The following EXPH5 variants were observed in gnomAD, a reference collection of about 807,000 sequenced individuals.
The protein encoded by EXPH5 is exophilin-5.
A neutral mutation model predicts 41.1 loss-of-function variants in EXPH5; 42 were observed. The observed-to-expected ratio is 1.02, with a 90% confidence interval of 0.80 to 1.32. EXPH5 has a LOEUF of 1.32. EXPH5 is among the 40% of genes most tolerant of loss of function. The pLI is 0.00. For synonymous variants in EXPH5, 798 were observed against 833.5 expected (o/e 0.96, Z 0.73); for missense variants, 2,298 against 2,314.5 (o/e 0.99, Z 0.15).
chr11:108,579,966 G>A (rs1408624495), intron 1 of EXPH5, among the ~76,000 whole-genome samples: 1 of 152,044 alleles, frequency 6.6e-6, no homozygotes, highest in East Asian at 1.9e-4. Context: ...AAATATAGAG[G>A]AAATACTTCA....
intron 5 of EXPH5, among the ~76,000 whole-genome samples, chr11:108,516,270 C>A (rs997549663): frequency 6.6e-6 from 1 of 152,024 alleles, no homozygotes; most frequent in African/African-American, 2.4e-5. Flanking sequence ...GGCCCCCTTA[C>A]GATAACTGAA....
chr11:108,509,484 AG>A lies in EXPH5; in HGVS notation c.*52del. ...CCATGCACATGCACATGTACACCTT[AG>A]TTCCATTATAAGCTTTTGGTGAAAA... is the stretch of plus-strand genomic sequence containing the variant. On this transcript the variant is annotated 3_prime_UTR_variant, in exon 6 of 6. Coordinates refer to ENST00000265843, the MANE Select transcript of EXPH5 (RefSeq NM_015065.3). 11 of 1,479,062 alleles carry A rather than the reference AG, an allele frequency of 7.4e-6. No homozygotes were observed. Among genetic ancestry groups the A allele is most frequent in the Non-Finnish European group, 1.0e-5 (11 of 1,101,904 alleles). The allele number at this position is 1,479,062 out of a possible 1,614,324, so 91.6% of individuals were successfully genotyped here.
In EXPH5 at chr11:108,511,076, A is replaced by C. The variant is rs1189076504; in HGVS notation, c.4431T>G (p.Ser1477Arg). 1 of 1,614,110 alleles carries C rather than the reference A, an allele frequency of 6.2e-7. No homozygotes were observed. ...HTSTAVGDGS[S>R]GSQPREGRGD... is the part of the protein sequence containing the mutation. ...CTCTGCCTTCCCTAGGCTGTGATCCACTGGAGCCATCACCTACAGCTGTGG... is the reference window on the plus strand; with the variant it reads ...CTCTGCCTTCCCTAGGCTGTGATCCCCTGGAGCCATCACCTACAGCTGTGG... Residue 1477 changes from serine (S) to arginine (R), a missense_variant, in exon 6 of 6, where the codon AGT becomes AGG. Coordinates refer to ENST00000265843, the MANE Select transcript of EXPH5 (RefSeq NM_015065.3).
chr11:108,605,053 T>C, the EXPH5 span, among the ~76,000 whole-genome samples: 1 of 152,072 alleles, frequency 6.6e-6, no homozygotes. Flanking sequence ...AAGAACAAGA[T>C]CACTGGGATT....
intron 5 of EXPH5, among the ~76,000 whole-genome samples, 167 bp from the exon 6 acceptor site, chr11:108,515,042 C>A (rs1285006198): frequency 1.3e-5 from 2 of 152,108 alleles, no homozygotes; most frequent in Admixed American, 6.5e-5. Flanking sequence ...GATAGCCTGA[C>A]TTTTATAAGA....
At chr11:108,545,346 G>A (rs1229353402) in intron 1 of EXPH5, among the ~76,000 whole-genome samples, 4 of 152,142 alleles carry the variant, frequency 2.6e-5, no homozygotes, top group African/African-American at 9.7e-5. Flanking sequence ...ATATACGTTT[G>A]TGGAAGGCCG....
chr11:108,603,815 C>T, the EXPH5 span, among the ~76,000 whole-genome samples: 1 of 152,210 alleles, frequency 6.6e-6, no homozygotes, highest in African/African-American at 2.4e-5. Flanking sequence ...GGGCAGAGAG[C>T]AGTTCCTAAT....
intron 1 of EXPH5, among the ~76,000 whole-genome samples, chr11:108,570,557 T>C (rs2094055701): frequency 6.6e-6 from 1 of 152,148 alleles, no homozygotes; most frequent in Admixed American, 6.5e-5. Flanking sequence ...GCCTAGCTTA[T>C]TTTTAAGAGA....
rs952158572 is a variant in EXPH5 at position 108,536,354 on chromosome 11, C to A, written c.443+2670G>T. Among the ~76,000 whole-genome samples the A allele has an allele frequency of 2.0e-5, 3 of 151,950 alleles. No individual in the cohort carries two copies. In the South Asian group the frequency reaches 6.2e-4, roughly 32 times the overall value. On this transcript the variant is annotated intron_variant, in intron 3 of 5. Transcript: ENST00000265843. ...TGCAGCGGCTCACCGTACCCTCCAC[C>A]TCCCAGGCTCAAGTGATCCTCCTAC... is the stretch of plus-strand genomic sequence containing the variant.
intron 1 of EXPH5, among the ~76,000 whole-genome samples, chr11:108,581,030 G>A (rs1250764742): frequency 2.6e-5 from 4 of 152,164 alleles, no homozygotes; most frequent in Non-Finnish European, 5.9e-5. Context: ...AATATGGCTG[G>A]GCATGGTGGC....
At chr11:108,533,995 A>G (rs1317863210) in intron 3 of EXPH5, among the ~76,000 whole-genome samples, 2 of 152,028 alleles carry the variant, frequency 1.3e-5, no homozygotes, top group African/African-American at 4.8e-5. Context: ...CAGCCTGACT[A>G]TGTTGACCAG....
At chr11:108,520,762 T>C (rs1053427474) in intron 4 of EXPH5, among the ~76,000 whole-genome samples, 24 of 152,064 alleles carry the variant, frequency 1.6e-4, no homozygotes, top group Admixed American at 1.2e-3. Flanking sequence ...AGAGATGGGG[T>C]TCCACCCTAT....
At chr11:108,515,560 A>G (rs1398750865) in intron 5 of EXPH5, among the ~76,000 whole-genome samples, 1 of 152,174 alleles carries the variant, frequency 6.6e-6, no homozygotes, top group Non-Finnish European at 1.5e-5. Context: ...TCTATGTGTC[A>G]GGCAGAGTCC....
chr11:108,594,944 A>G (rs1236435117), upstream of EXPH5, among the ~76,000 whole-genome samples: 1 of 152,212 alleles, frequency 6.6e-6, no homozygotes, highest in East Asian at 1.9e-4. Context: ...TGAACCAGGA[A>G]CCAATTTTGT....
chr11:108,513,290 T>G lies in EXPH5; in HGVS notation c.2217A>C (p.Leu739Phe). The change falls in exon 6 of 6, where the codon TTA (leucine) becomes TTC (phenylalanine). Residue 739 changes from leucine (L) to phenylalanine (F), a missense_variant. Transcript: ENST00000265843. ...PVSQTGISNS[L>F]PDFQNPLSQD... ...GGGATAAGGGATTTTGAAAATCAGGTAAAGAGTTTGAGATCCCTGTCTGTG... is the reference window on the plus strand; with the variant it reads ...GGGATAAGGGATTTTGAAAATCAGGGAAAGAGTTTGAGATCCCTGTCTGTG... The G allele has an allele frequency of 1.2e-6, 2 of 1,612,590 alleles. No homozygotes were observed. Among genetic ancestry groups the G allele is most frequent in the South Asian group, 2.2e-5 (2 of 90,676 alleles).
Position 108,513,634 on chromosome 11 carries a change from A to G in EXPH5, c.1873T>C (p.Ser625Pro), listed in dbSNP as rs748065242. The change falls in exon 6 of 6, where the codon TCC (serine) becomes CCC (proline). Residue 625 changes from serine to proline, a missense_variant. Physicochemically the swap from Ser to Pro is moderately conservative, Grantham distance 74. Coordinates refer to ENST00000265843, the MANE Select transcript of EXPH5 (RefSeq NM_015065.3). ...SSFGIAQTLA[S>P]SFKTSFSQIS... Reference sequence around the variant, plus strand: ...TGGGAAAAGGAAGTTTTGAATGAGGATGCTAGAGTCTGAGCAATTCCAAAT... The same window carrying G: ...TGGGAAAAGGAAGTTTTGAATGAGGGTGCTAGAGTCTGAGCAATTCCAAAT... 1.9e-6 allele frequency: 3 copies of G among 1,612,938 alleles called. No homozygotes were observed. The highest frequency in any genetic ancestry group is 1.7e-6 in the Non-Finnish European group (2 of 1,179,564).
rs1485240139 is a variant in EXPH5 at position 108,509,830 on chromosome 11, G to T, written c.5677C>A (p.Gln1893Lys). 4 of 1,613,496 alleles carry T rather than the reference G, an allele frequency of 2.5e-6. No individual in the cohort carries two copies. The highest frequency in any genetic ancestry group is 3.4e-6 in the Non-Finnish European group (4 of 1,179,904). Reference sequence around the variant, plus strand: ...ACATTTTCTAAGAAAGCTAACTGTTGTTCTTTCCCAAAGATCCCATAGTCG... The same window carrying T: ...ACATTTTCTAAGAAAGCTAACTGTTTTTCTTTCCCAAAGATCCCATAGTCG... ...PIDYGIFGKE[Q>K]QLAFLENVKR... The change falls in exon 6 of 6, where the codon CAA becomes AAA. Residue 1893 changes from glutamine to lysine, a missense_variant. Gln to Lys is a moderately conservative substitution (Grantham distance 53). Transcript: ENST00000265843.
chr11:108,545,397 G>A (rs547397003), intron 1 of EXPH5, among the ~76,000 whole-genome samples: 20 of 152,308 alleles, frequency 1.3e-4, no homozygotes, highest in African/African-American at 4.6e-4. Flanking sequence ...AAGCAAAGCA[G>A]ATAGGGCTCC....
intron 1 of EXPH5, among the ~76,000 whole-genome samples, chr11:108,592,487 C>G (rs2094129715): frequency 6.6e-6 from 1 of 152,318 alleles, no homozygotes; most frequent in South Asian, 2.1e-4. Context: ...CAATGGCACA[C>G]AGTGTGGTCT....
Sources: allele counts gnomAD v4.1 joint callset (sites outside exome capture counted in the v4.1 genomes callset), GRCh38; gene constraint gnomAD v4.1.1; transcripts MANE v1.5; gene names NCBI Gene and HGNC (gene_info 2026-07-23, HGNC 2026-07-21).